Variants in BMPR2 observed in about 807,000 individuals in gnomAD.
BMPR2 encodes the protein bone morphogenetic protein receptor type 2, also known as bone morphogenetic protein receptor type-2.
In BMPR2, 29 loss-of-function variants were observed where a neutral mutation model predicts 100.8. That is an observed-to-expected ratio of 0.29 (90% CI 0.21 to 0.39). The LOEUF (loss-of-function observed/expected upper bound fraction) is 0.39. Ranked by LOEUF, BMPR2 falls within the 10% of genes least tolerant of loss-of-function variation. The probability of loss-of-function intolerance (pLI) is 1.00; values close to 1 mark genes in which losing one functional copy is unlikely to be tolerated. For missense variants in BMPR2, 1,011 were observed against 1,274.5 expected, an observed-to-expected ratio of 0.79 and a Z score of 3.15; for synonymous variants, 382 against 442.3, an observed-to-expected ratio of 0.86 and a Z score of 1.71.
intron 1 of BMPR2, among the ~76,000 whole-genome samples, chr2:202,432,003 G>A (rs1163950183): frequency 1.3e-5 from 2 of 150,152 alleles, no homozygotes; most frequent in African/African-American, 5.0e-5. Context: ...TATAAATATA[G>A]GTACTTATAT....
chr2:202,518,201 G>A (rs13005349), intron 5 of BMPR2, among the ~76,000 whole-genome samples: 16,757 of 144,306 alleles, frequency 0.12, 1,105 homozygotes, highest in Non-Finnish European at 0.13. Context: ...GCAGTGGCGC[G>A]GTCTCAGCTC....
At chr2:202,404,123 TA>T (rs1272472821) in intron 1 of BMPR2, among the ~76,000 whole-genome samples, 1 of 151,866 alleles carries the variant, frequency 6.6e-6, no homozygotes, top group African/African-American at 2.4e-5. Flanking sequence ...TGATTAGAAA[TA>T]TAATTTTAAG....
intron 1 of BMPR2, among the ~76,000 whole-genome samples, chr2:202,443,820 G>T (rs1387219799): frequency 6.6e-6 from 1 of 150,480 alleles, no homozygotes; most frequent in Non-Finnish European, 1.5e-5. Flanking sequence ...TGCCTTCAGA[G>T]CAGGGTTTTC....
chr2:202,396,474 T>A (rs986692565), intron 1 of BMPR2, among the ~76,000 whole-genome samples: 3 of 152,172 alleles, frequency 2.0e-5, no homozygotes, highest in Non-Finnish European at 2.9e-5. Context: ...TGATACTGTT[T>A]AGGGTTGCAT....
chr2:202,419,351 A>G (rs1400082288), intron 1 of BMPR2, among the ~76,000 whole-genome samples: 1 of 151,764 alleles, frequency 6.6e-6, no homozygotes, highest in Non-Finnish European at 1.5e-5. Flanking sequence ...TTGTTCATTT[A>G]TTTATTTTTA....
intron 5 of BMPR2, among the ~76,000 whole-genome samples, chr2:202,516,341 A>T (rs1272243059): frequency 6.6e-6 from 1 of 152,224 alleles, no homozygotes; most frequent in Non-Finnish European, 1.5e-5. Flanking sequence ...TTGATAAAGA[A>T]CTGATATAAA....
chr2:202,500,018 G>A (rs1187379684), intron 3 of BMPR2, among the ~76,000 whole-genome samples: 1 of 152,220 alleles, frequency 6.6e-6, no homozygotes, highest in East Asian at 1.9e-4. Flanking sequence ...GCAATCGCTA[G>A]AAGGTGCACT....
At chr2:202,426,582 A>G (rs1378569709) in intron 1 of BMPR2, among the ~76,000 whole-genome samples, 1 of 151,240 alleles carries the variant, frequency 6.6e-6, no homozygotes, top group African/African-American at 2.4e-5. Flanking sequence ...AAAAAAAAAA[A>G]AAAAAAAAGT....
At position 202,440,959 on chromosome 2, in the gene BMPR2, A is replaced by C. The variant is rs1358388991; in HGVS notation, c.77-23850A>C. ...TTGACTAGTATTTATTTGCTTTCCC[A>C]CATAGAAAATATTATTATTATTGTT... On this transcript the variant is annotated intron_variant, in intron 1 of 12. Coordinates refer to ENST00000374580, the MANE Select transcript of BMPR2 (RefSeq NM_001204.7). 2.0e-5 allele frequency among the ~76,000 whole-genome samples: 3 copies of C among 150,432 alleles called. 1 individual carries two copies. Among genetic ancestry groups the C allele is most frequent in the African/African-American group, 7.5e-5 (3 of 39,818 alleles).
intron 9 of BMPR2, among the ~76,000 whole-genome samples, chr2:202,542,017 G>A (rs1249822999): frequency 2.0e-5 from 3 of 151,348 alleles, no homozygotes; most frequent in Non-Finnish European, 4.4e-5. Context: ...AGGCTGAGGC[G>A]AGAGAATCAC....
At chr2:202,457,561 T>TATATAG (rs750336398) in intron 1 of BMPR2, among the ~76,000 whole-genome samples, 26 of 94,842 alleles carry the variant, frequency 2.7e-4, no homozygotes, top group Admixed American at 7.4e-4. Flanking sequence ...TATATATATA[T>TATATAG]AGAGAGAGAG....
At chr2:202,507,803 G>A (rs556873521) in intron 3 of BMPR2, among the ~76,000 whole-genome samples, 19 of 150,530 alleles carry the variant, frequency 1.3e-4, no homozygotes, top group African/African-American at 4.4e-4. Flanking sequence ...GGGTTCAAGC[G>A]ATTCTCCTGC....
intron 2 of BMPR2, 95 bp from the exon 3 acceptor site, chr2:202,467,422 ACT>A (rs746903634): frequency 2.9e-6 from 3 of 1,045,504 alleles, no homozygotes; most frequent in Non-Finnish European, 4.4e-6. Flanking sequence ...GCTTACACGT[ACT>A]CTCACATTTA....
At chr2:202,400,208 C>G (rs1405123809) in intron 1 of BMPR2, among the ~76,000 whole-genome samples, 2 of 152,080 alleles carry the variant, frequency 1.3e-5, no homozygotes, top group Non-Finnish European at 2.9e-5. Flanking sequence ...GTGGTACAAT[C>G]ATAGTTCACT....
Position 202,377,562 on chromosome 2 carries a change from C to CG in BMPR2, c.76+14dup. ...CAGCACTGCGGCTGGTGAGTAGCTC[C>CG]GGCCGGCACGTCCCGGCCACTGCCC... is the stretch of plus-strand genomic sequence containing the variant. On this transcript the variant is annotated intron_variant, in intron 1 of 12. Coordinates refer to ENST00000374580, the MANE Select transcript of BMPR2 (RefSeq NM_001204.7). 6.2e-7 allele frequency: 1 copy of CG among 1,613,878 alleles called. No individual in the cohort carries two copies. The highest frequency in any genetic ancestry group is 8.5e-7 in the Non-Finnish European group (1 of 1,179,894).
intron 9 of BMPR2, among the ~76,000 whole-genome samples, chr2:202,536,554 A>T (rs560725117): frequency 6.6e-6 from 1 of 152,136 alleles, no homozygotes; most frequent in East Asian, 1.9e-4. Flanking sequence ...TTCTGAAAAT[A>T]GCAGTAATTG....
rs781018234 is a variant in BMPR2 at position 202,530,913 on chromosome 2, C to G, written c.1087C>G (p.Leu363Val). ...GLSMRLTGNR[L>V]VRPGEEDNAA... Reference sequence around the variant, plus strand: ...GTCCATGAGGCTGACTGGAAATAGACTGGTGCGCCCAGGGGAGGAAGATAA... The same window carrying G: ...GTCCATGAGGCTGACTGGAAATAGAGTGGTGCGCCCAGGGGAGGAAGATAA... The change falls in exon 8 of 13, where the codon CTG (leucine) becomes GTG (valine). Residue 363 changes from leucine (L) to valine (V), a missense_variant. Transcript: ENST00000374580. 3 of 1,614,112 alleles carry G rather than the reference C, an allele frequency of 1.9e-6. No homozygotes were observed. Among genetic ancestry groups the G allele is most frequent in the African/African-American group, 1.3e-5 (1 of 75,022 alleles).
At chr2:202,377,823 T>G (rs1459724966) in intron 1 of BMPR2, among the ~76,000 whole-genome samples, 1 of 152,256 alleles carries the variant, frequency 6.6e-6, no homozygotes, top group Non-Finnish European at 1.5e-5. Context: ...TATCTTGACA[T>G]TTTTAGCTGT....
chr2:202,381,923 A>G (rs1354887778), intron 1 of BMPR2, among the ~76,000 whole-genome samples: 2 of 152,140 alleles, frequency 1.3e-5, no homozygotes, highest in Non-Finnish European at 2.9e-5. Flanking sequence ...ATTGATCTCT[A>G]ATGGGTAAAT....
Sources: allele counts gnomAD v4.1 joint callset (sites outside exome capture counted in the v4.1 genomes callset), GRCh38; gene constraint gnomAD v4.1.1; transcripts MANE v1.5; gene names NCBI Gene and HGNC (gene_info 2026-07-23, HGNC 2026-07-21).